The following RBFOX1 variants were observed in gnomAD, a reference collection of about 807,000 sequenced individuals.
The protein encoded by RBFOX1 is RNA binding protein fox-1 homolog 1.
Under a neutral mutation model 57.7 loss-of-function variants are expected in RBFOX1, and 8 were observed. That is an observed-to-expected ratio of 0.14 (90% CI 0.08 to 0.25). The LOEUF (loss-of-function observed/expected upper bound fraction) is 0.25. Ranked by LOEUF, RBFOX1 falls within the 10% of genes least tolerant of loss-of-function variation. The probability of loss-of-function intolerance (pLI) is 1.00; values close to 1 mark genes in which losing one functional copy is unlikely to be tolerated. For missense variants in RBFOX1, 611 were observed against 548.5 expected, an observed-to-expected ratio of 1.11 and a Z score of -1.14; for synonymous variants, 326 against 222.4, an observed-to-expected ratio of 1.47 and a Z score of -4.15.
At chr16:7,151,711 A>G (rs2076145078) in intron 4 of RBFOX1, among the ~76,000 whole-genome samples, 1 of 152,180 alleles carries the variant, frequency 6.6e-6, no homozygotes, top group African/African-American at 2.4e-5. Context: ...ACCATAATGT[A>G]GAATCAGTGG....
intron 2 of RBFOX1, among the ~76,000 whole-genome samples, chr16:6,526,502 C>T (rs1049572198): frequency 6.6e-6 from 1 of 152,034 alleles, no homozygotes; most frequent in Non-Finnish European, 1.5e-5. Context: ...AGGCTAGATG[C>T]TTTATACACA....
chr16:7,090,366 G>A (rs556718049), intron 4 of RBFOX1, among the ~76,000 whole-genome samples: 1 of 152,222 alleles, frequency 6.6e-6, no homozygotes, highest in African/African-American at 2.4e-5. Context: ...CTTTTTGCTG[G>A]GGGGAGGTGT....
At chr16:7,217,883 T>C (rs535033667) in intron 4 of RBFOX1, among the ~76,000 whole-genome samples, 2 of 149,510 alleles carry the variant, frequency 1.3e-5, no homozygotes, top group Admixed American at 6.8e-5. Context: ...TGTGTGCATG[T>C]GTGTGCATGC....
chr16:6,760,037 T>C (rs955423557), intron 3 of RBFOX1, among the ~76,000 whole-genome samples: 89 of 152,188 alleles, frequency 5.8e-4, no homozygotes, highest in African/African-American at 2.1e-3. Context: ...GAATCGTCAA[T>C]GGCACAGCAA....
chr16:5,866,263 C>G (rs919132685), intron 3 of RBFOX1, among the ~76,000 whole-genome samples: 1 of 152,200 alleles, frequency 6.6e-6, no homozygotes, highest in Admixed American at 6.5e-5. Context: ...GGCATTGTGC[C>G]CAGGCAGCTG....
intron 14 of RBFOX1, among the ~76,000 whole-genome samples, chr16:7,698,195 T>TGG (rs1215173459): frequency 1.4e-5 from 2 of 138,708 alleles, no homozygotes; most frequent in Non-Finnish European, 3.0e-5. Flanking sequence ...TGTGTGTGTG[T>TGG]GTGTGTGTGT....
chr16:7,488,383 A>G (rs1314302037), intron 4 of RBFOX1, among the ~76,000 whole-genome samples: 1 of 152,088 alleles, frequency 6.6e-6, no homozygotes, highest in African/African-American at 2.4e-5. Flanking sequence ...CTATGTACAG[A>G]TATATATGGA....
intron 2 of RBFOX1, among the ~76,000 whole-genome samples, chr16:5,510,090 G>C (rs1005625216): frequency 3.9e-5 from 6 of 152,232 alleles, no homozygotes; most frequent in African/African-American, 1.4e-4. Flanking sequence ...GTCGAGCACA[G>C]GGCTTGTCTC....
At chr16:6,932,922 C>G (rs992424351) in intron 3 of RBFOX1, among the ~76,000 whole-genome samples, 8 of 152,186 alleles carry the variant, frequency 5.3e-5, no homozygotes, top group African/African-American at 1.7e-4. Context: ...CAGCCCCTGG[C>G]AACTACTATT....
At chr16:6,475,420 T>A (rs1010869682) in intron 2 of RBFOX1, among the ~76,000 whole-genome samples, 4 of 152,168 alleles carry the variant, frequency 2.6e-5, no homozygotes, top group African/African-American at 9.7e-5. Context: ...GGAATGAGGG[T>A]CATTCACCTG....
rs182221107 is a variant in RBFOX1, at chr16:6,883,793, G to C, written c.-15-168264G>C. Reference sequence around the variant, plus strand: ...CTGAAAATACATGGGTTAGTGAAGAGGTTTTTTTTTTTCTTTTCTCTATTA... The same window carrying C: ...CTGAAAATACATGGGTTAGTGAAGACGTTTTTTTTTTTCTTTTCTCTATTA... On this transcript the variant is annotated intron_variant, in intron 3 of 15. Coordinates refer to ENST00000550418, the MANE Select transcript of RBFOX1 (RefSeq NM_018723.4). 4.4e-3 allele frequency among the ~76,000 whole-genome samples: 662 copies of C among 151,892 alleles called. 5 individuals are homozygous for C. Among genetic ancestry groups the C allele is most frequent in the African/African-American group, 0.01 (420 of 41,414 alleles).
intron 4 of RBFOX1, among the ~76,000 whole-genome samples, chr16:7,069,851 C>T (rs1643627024): frequency 6.6e-6 from 1 of 152,136 alleles, no homozygotes. Flanking sequence ...ATTGATGTTC[C>T]CTTACATCAC....
At chr16:6,228,555 C>T (rs1376414863) in intron 1 of RBFOX1, among the ~76,000 whole-genome samples, 1 of 152,032 alleles carries the variant, frequency 6.6e-6, no homozygotes, top group Non-Finnish European at 1.5e-5. Context: ...CTGAACTAAG[C>T]CAGACATAGA....
chr16:6,920,414 C>T (rs983578461), intron 3 of RBFOX1, among the ~76,000 whole-genome samples: 36 of 152,126 alleles, frequency 2.4e-4, no homozygotes, highest in Non-Finnish European at 3.5e-4. Context: ...TCTCTTGCTT[C>T]CTCAGCTTAT....
intron 1 of RBFOX1, among the ~76,000 whole-genome samples, chr16:6,278,616 A>G (rs2152692694): frequency 6.6e-6 from 1 of 151,924 alleles, no homozygotes; most frequent in East Asian, 1.9e-4. Context: ...CTCTACAAAG[A>G]TTTCCTTTTC....
intron 1 of RBFOX1, among the ~76,000 whole-genome samples, chr16:5,243,426 C>A (rs540102391): frequency 6.6e-6 from 1 of 152,156 alleles, no homozygotes. Context: ...AGGTATTTTC[C>A]TTCTTGCTGA....
At chr16:6,986,515 C>A (rs907546900) in intron 3 of RBFOX1, among the ~76,000 whole-genome samples, 2 of 152,174 alleles carry the variant, frequency 1.3e-5, no homozygotes, top group African/African-American at 2.4e-5. Context: ...TGGTTTTGAA[C>A]TCATGGGCTC....
chr16:7,344,176 A>C (rs541190385), intron 4 of RBFOX1, among the ~76,000 whole-genome samples: 204 of 142,806 alleles, frequency 1.4e-3, no homozygotes, highest in African/African-American at 4.9e-3. Context: ...AAAATGGCCC[A>C]TATTAAAAGT....
intron 3 of RBFOX1, among the ~76,000 whole-genome samples, chr16:7,020,085 C>G (rs974548365): frequency 1.3e-5 from 2 of 152,028 alleles, no homozygotes; most frequent in Non-Finnish European, 2.9e-5. Context: ...GTAGCCTCCC[C>G]ACTTCCATTG....
Sources: gnomAD v4.1 joint callset for allele counts (sites outside exome capture counted in the v4.1 genomes callset) on GRCh38, gnomAD v4.1.1 for gene constraint, MANE v1.5 for transcripts, NCBI Gene and HGNC (gene_info 2026-07-23, HGNC 2026-07-21) for gene names.